The following MYO18B variants were observed in gnomAD, a reference collection of about 807,000 sequenced individuals.
MYO18B encodes the protein myosin XVIIIB, also known as unconventional myosin-XVIIIb.
In MYO18B, 204 loss-of-function variants were observed where a neutral mutation model predicts 273.0. That is an observed-to-expected ratio of 0.75 (90% CI 0.67 to 0.84). The LOEUF (loss-of-function observed/expected upper bound fraction) is 0.84. Ranked by LOEUF, MYO18B falls within the 40% of genes least tolerant of loss-of-function variation. The pLI is 0.00. For synonymous variants in MYO18B, 1,330 were observed against 1,305.7 expected (o/e 1.02, Z -0.40); for missense variants, 3,212 against 3,287.6 (o/e 0.98, Z 0.56).
chr22:25,751,436 C>T (rs1411539008), intron 1 of MYO18B, among the ~76,000 whole-genome samples: 1 of 152,212 alleles, frequency 6.6e-6, no homozygotes, highest in Non-Finnish European at 1.5e-5. Context: ...AGCCAGCTTC[C>T]TAGGCTTCCA....
chr22:25,895,736 C>A (rs1243114303), intron 28 of MYO18B: 2 of 152,836 alleles, frequency 1.3e-5, no homozygotes, highest in Non-Finnish European at 2.9e-5. Context: ...CTCCTCTCAA[C>A]CACCTGCCAC....
chr22:25,919,065 A>C (rs1160849122), intron 33 of MYO18B, among the ~76,000 whole-genome samples: 1 of 151,814 alleles, frequency 6.6e-6, no homozygotes, highest in Admixed American at 6.6e-5. Context: ...GGGGTTTTAT[A>C]CCCTCATGGC....
chr22:25,994,544 T>G (rs914948652), intron 40 of MYO18B, among the ~76,000 whole-genome samples: 1 of 152,230 alleles, frequency 6.6e-6, no homozygotes, highest in South Asian at 2.1e-4. Flanking sequence ...AAAAAATTAT[T>G]CAATTTGTGC....
intron 25 of MYO18B, among the ~76,000 whole-genome samples, chr22:25,888,672 A>G (rs1033383328): frequency 5.3e-5 from 8 of 152,190 alleles, no homozygotes. Flanking sequence ...ACAACCAGGA[A>G]CACCCTAGGA....
At chr22:25,891,531 T>C (rs2091661824) in intron 27 of MYO18B, 119 bp downstream of exon 27, 3 of 657,252 alleles carry the variant, frequency 4.6e-6, no homozygotes, top group African/African-American at 1.8e-5. Flanking sequence ...GCTGCGACTT[T>C]GGCAGAGCAA....
At chr22:25,787,091 T>C (rs1249859875) in intron 11 of MYO18B, among the ~76,000 whole-genome samples, 1 of 152,078 alleles carries the variant, frequency 6.6e-6, no homozygotes, top group Non-Finnish European at 1.5e-5. Context: ...GGCACATGCC[T>C]GTAGTTCCAG....
chr22:25,997,964 C>CAA (rs745830193), intron 40 of MYO18B, among the ~76,000 whole-genome samples: 4,796 of 135,192 alleles, frequency 0.035, 76 homozygotes, highest in African/African-American at 0.059. Context: ...CACAAACACA[C>CAA]ACACACACAC....
Position 25,874,375 on chromosome 22 carries a change from C to T in MYO18B, c.4041C>T (p.Cys1347=), listed in dbSNP as rs781563610. ...GCATCGTTCTCTTCCAGGCGGCTTG[C>T]AAGGGCTTTCTGTCTCGCCAGGAAT... ...SQSIVLFQAA[C]KGFLSRQEFK... is the part of the protein sequence containing the mutation. The change falls in exon 23 of 44, where the codon TGC becomes TGT. Residue 1347 remains cysteine (C), a synonymous_variant. Transcript: ENST00000335473. The T allele has an allele frequency of 1.2e-6, 2 of 1,613,976 alleles. No homozygotes were observed. The highest frequency in any genetic ancestry group is 2.2e-5 in the South Asian group (2 of 91,080).
chr22:26,050,284 G>A, the MYO18B span, among the ~76,000 whole-genome samples: 1 of 152,168 alleles, frequency 6.6e-6, no homozygotes, highest in African/African-American at 2.4e-5. Flanking sequence ...TTACACACCG[G>A]AAGTATGTCG....
rs1194758411 is a variant in MYO18B at position 25,763,229 on chromosome 22, A to T, written c.40-2A>T. On this transcript the variant is annotated splice_acceptor_variant, in intron 2 of 43. Transcript: ENST00000335473. LOFTEE classifies it high-confidence loss of function. ...CTCTCTTTCCTTGCTTCTGCAAAAC[A>T]GATTCGGGAAGAGGACAAGAGCCCT... The T allele has an allele frequency of 6.2e-7, 1 of 1,607,472 alleles. No homozygotes were observed. Among genetic ancestry groups the T allele is most frequent in the Non-Finnish European group, 8.5e-7 (1 of 1,175,576 alleles).
intron 40 of MYO18B, among the ~76,000 whole-genome samples, chr22:25,999,505 G>T (rs1933685508): frequency 6.8e-6 from 1 of 147,756 alleles, no homozygotes; most frequent in African/African-American, 2.6e-5. Context: ...ACAAGTTCAA[G>T]TTCTTCTTCT....
At chr22:25,865,896 TTTGGATATA>T (rs1162297135) in intron 21 of MYO18B, among the ~76,000 whole-genome samples, 1 of 152,172 alleles carries the variant, frequency 6.6e-6, no homozygotes, top group East Asian at 1.9e-4. Flanking sequence ...GGCATTATAT[TTTGGATATA>T]TTGGTTTTAT....
chr22:25,821,340 T>G (rs1448439460), intron 12 of MYO18B, among the ~76,000 whole-genome samples: 1 of 152,160 alleles, frequency 6.6e-6, no homozygotes, highest in Non-Finnish European at 1.5e-5. Flanking sequence ...CACTTTTGCT[T>G]TTTGTCACCC....
intron 25 of MYO18B, among the ~76,000 whole-genome samples, chr22:25,878,958 A>G (rs2146209250): frequency 6.6e-6 from 1 of 152,378 alleles, no homozygotes; most frequent in East Asian, 1.9e-4. Flanking sequence ...CTGTTGAAGG[A>G]ATGTAAACAC....
intron 12 of MYO18B, 99 bp from the exon 13 acceptor site, chr22:25,823,406 G>A: frequency 7.5e-7 from 1 of 1,331,294 alleles, no homozygotes; most frequent in Non-Finnish European, 1.0e-6. Context: ...CTGGCCTGGA[G>A]ATTGGGAGGG....
At position 25,948,436 on chromosome 22, in the gene MYO18B, TTCCTTCCTTCCTTCCTTCC is replaced by T. The variant is rs2092744150; in HGVS notation, c.5748+610_5748+628del. On this transcript the variant is annotated intron_variant, in intron 36 of 43. Coordinates refer to ENST00000335473, the MANE Select transcript of MYO18B (RefSeq NM_032608.7). Reference sequence around the variant, plus strand: ...CTTCCTTCCTTCCTTCCTTCCTTCCTTCCTTCCTTCCTTCCTTCCTTCCTTCTTTCTTTCTTTCTTTCTT... The same window carrying T: ...CTTCCTTCCTTCCTTCCTTCCTTCCTTTCCTTCTTTCTTTCTTTCTTTCTT... Among the ~76,000 whole-genome samples the T allele has an allele frequency of 2.0e-3, 278 of 136,476 alleles. 1 individual carries two copies. Among genetic ancestry groups the T allele is most frequent in the Admixed American group, 3.4e-3 (47 of 13,714 alleles). 89.5% of individuals were successfully genotyped at this position (136,476 alleles called of 152,430 possible). A position where few individuals can be genotyped will look rare whatever the true frequency, so the allele number is the denominator to read the frequency against.
rs1241473736 is a variant in MYO18B, at chr22:25,876,288, C to T, written c.4180C>T (p.Leu1394=). The T allele has an allele frequency of 5.6e-6, 9 of 1,613,360 alleles. No individual in the cohort carries two copies. The Admixed American group carries it at 6.7e-5, about 12-fold the overall frequency. Residue 1394 remains leucine (L), a synonymous_variant, in exon 24 of 44, where the codon CTA becomes TTA. Coordinates refer to ENST00000335473, the MANE Select transcript of MYO18B (RefSeq NM_032608.7). ...WWQLLGSLQP[L]LSATIGTEQL... is the part of the protein sequence containing the mutation. ...GCAGCTGCTTGGTTCCCTCCAGCCT[C>T]TACTTAGTGCCACCATTGGAACTGA... is the stretch of plus-strand genomic sequence containing the variant.
chr22:26,021,302 A>G (rs1381576779), intron 42 of MYO18B, among the ~76,000 whole-genome samples: 2 of 152,182 alleles, frequency 1.3e-5, no homozygotes, highest in African/African-American at 4.8e-5. Context: ...TCATATAAAT[A>G]CCCTTATTCA....
chr22:25,919,503 G>A (rs2146433061), intron 33 of MYO18B, among the ~76,000 whole-genome samples: 1 of 152,304 alleles, frequency 6.6e-6, no homozygotes, highest in East Asian at 1.9e-4. Flanking sequence ...GTTTAGAATA[G>A]TATATGACAC....
Sources: gnomAD v4.1 joint callset for allele counts (sites outside exome capture counted in the v4.1 genomes callset) on GRCh38, gnomAD v4.1.1 for gene constraint, MANE v1.5 for transcripts, NCBI Gene and HGNC (gene_info 2026-07-23, HGNC 2026-07-21) for gene names.